The following GALNT13 variants were observed in gnomAD, a reference collection of about 807,000 sequenced individuals.
GALNT13 encodes the protein UDP-GalNAc:polypeptide N-acetylgalactosaminyltransferase 13.
In GALNT13, 28 loss-of-function variants were observed where a neutral mutation model predicts 64.2. The ratio of observed to expected loss-of-function variants is 0.44; its 90% CI spans 0.32 to 0.60. GALNT13 has a LOEUF of 0.60. Ranked by LOEUF, GALNT13 falls within the 20% of genes least tolerant of loss-of-function variation. The probability of loss-of-function intolerance (pLI) is 0.05; values close to 1 mark genes in which losing one functional copy is unlikely to be tolerated. For synonymous variants in GALNT13, 214 were observed against 224.6 expected, an observed-to-expected ratio of 0.95 and a Z score of 0.42; for missense variants, 577 against 669.8, an observed-to-expected ratio of 0.86 and a Z score of 1.53.
At chr2:153,364,354 T>C in the GALNT13 span, among the ~76,000 whole-genome samples, 1 of 151,344 alleles carries the variant, frequency 6.6e-6, no homozygotes, top group Non-Finnish European at 1.5e-5. Context: ...CTCTCACCAC[T>C]CCTGTTCAAC....
chr2:154,299,680 G>T (rs536045861), intron 8 of GALNT13, among the ~76,000 whole-genome samples: 146 of 151,142 alleles, frequency 9.7e-4, no homozygotes, highest in African/African-American at 3.1e-3. Flanking sequence ...AGCCAGGATG[G>T]TCTCGATCTC....
At chr2:154,286,611 C>A in intron 8 of GALNT13, 2 of 241,088 alleles carry the variant, frequency 8.3e-6, no homozygotes, top group South Asian at 6.2e-5. Flanking sequence ...ATGTTTGAGT[C>A]TATTAACAAG....
chr2:153,301,656 A>G, the GALNT13 span, among the ~76,000 whole-genome samples: 1 of 152,142 alleles, frequency 6.6e-6, no homozygotes, highest in Non-Finnish European at 1.5e-5. Context: ...CTTCCTGTGT[A>G]ACAGGAACTT....
At chr2:153,977,693 A>C (rs1185508233) in intron 3 of GALNT13, among the ~76,000 whole-genome samples, 1 of 152,182 alleles carries the variant, frequency 6.6e-6, no homozygotes, top group Non-Finnish European at 1.5e-5. Flanking sequence ...ATCTCAGAGC[A>C]TTTTAGAGAA....
intron 3 of GALNT13, among the ~76,000 whole-genome samples, chr2:154,009,784 T>G (rs991145577): frequency 6.6e-6 from 1 of 152,170 alleles, no homozygotes; most frequent in Admixed American, 6.5e-5. Context: ...TGATTCTCCC[T>G]ATCTATGAGC....
the GALNT13 span, among the ~76,000 whole-genome samples, chr2:153,805,897 G>T: frequency 6.6e-6 from 1 of 151,878 alleles, no homozygotes. Context: ...TACTAAATTT[G>T]AAATGGAAGT....
chr2:153,267,845 C>A, the GALNT13 span, among the ~76,000 whole-genome samples: 4 of 152,178 alleles, frequency 2.6e-5, no homozygotes, highest in African/African-American at 4.8e-5. Context: ...ATTTTCCAAG[C>A]TTTTAGACTT....
At chr2:153,229,644 T>A in the GALNT13 span, among the ~76,000 whole-genome samples, 1 of 152,240 alleles carries the variant, frequency 6.6e-6, no homozygotes, top group African/African-American at 2.4e-5. Context: ...TGCTATATAC[T>A]TTCCTTTCTG....
At chr2:153,419,130 T>C in the GALNT13 span, among the ~76,000 whole-genome samples, 2 of 152,168 alleles carry the variant, frequency 1.3e-5, no homozygotes, top group Non-Finnish European at 2.9e-5. Flanking sequence ...TCACAGTTCC[T>C]CAGGGCTGGG....
chr2:153,704,499 C>G, the GALNT13 span, among the ~76,000 whole-genome samples: 1 of 152,134 alleles, frequency 6.6e-6, no homozygotes, highest in African/African-American at 2.4e-5. Context: ...ATACTTCTCT[C>G]TCAATGCACA....
chr2:153,399,795 A>G, the GALNT13 span, among the ~76,000 whole-genome samples: 3 of 152,136 alleles, frequency 2.0e-5, no homozygotes, highest in South Asian at 6.2e-4. Context: ...ACTTTGCTGA[A>G]GTTGCTTATC....
chr2:153,418,376 G>GTTGCTTTAAA, the GALNT13 span, among the ~76,000 whole-genome samples: 1 of 152,178 alleles, frequency 6.6e-6, no homozygotes, highest in Admixed American at 6.5e-5. Context: ...ATAAATTTGT[G>GTTGCTTTAAA]TTGCTTTAAA....
intron 3 of GALNT13, among the ~76,000 whole-genome samples, chr2:153,969,407 T>C (rs72621667): frequency 0.088 from 13,425 of 152,060 alleles, 1,557 homozygotes; most frequent in East Asian, 0.62. Context: ...TCCTTTTAGG[T>C]TGCAATAACA....
intron 3 of GALNT13, among the ~76,000 whole-genome samples, chr2:154,008,753 G>T (rs951468388): frequency 1.3e-5 from 2 of 152,072 alleles, no homozygotes; most frequent in Admixed American, 1.3e-4. Flanking sequence ...TTGCTGCAAA[G>T]GACTTGATCT....
chr2:154,149,711 T>G (rs936418483), intron 4 of GALNT13, among the ~76,000 whole-genome samples: 1 of 152,214 alleles, frequency 6.6e-6, no homozygotes, highest in Admixed American at 6.5e-5. Context: ...AGTTCACTCA[T>G]GATTTGGCTC....
intron 4 of GALNT13, among the ~76,000 whole-genome samples, chr2:154,152,952 A>G (rs192919034): frequency 4.2e-3 from 633 of 152,324 alleles, no homozygotes; most frequent in African/African-American, 0.015. Flanking sequence ...TTCTCCGTCC[A>G]GCTTTGTTCC....
intron 9 of GALNT13, among the ~76,000 whole-genome samples, chr2:154,366,252 G>C (rs1035536166): frequency 6.6e-6 from 1 of 152,100 alleles, no homozygotes; most frequent in African/African-American, 2.4e-5. Flanking sequence ...CATTTAAAAG[G>C]TTCCTGTCTT....
chr2:153,513,084 C>T, the GALNT13 span, among the ~76,000 whole-genome samples: 6,057 of 152,086 alleles, frequency 0.04, 384 homozygotes, highest in African/African-American at 0.14. Flanking sequence ...TAACCCATAG[C>T]GTAAAATAAA....
At chr2:154,397,211 G>A (rs1255408857) in intron 10 of GALNT13, among the ~76,000 whole-genome samples, 4 of 151,894 alleles carry the variant, frequency 2.6e-5, no homozygotes, top group East Asian at 1.9e-4. Flanking sequence ...CAAGGCAGGC[G>A]GATCATGAGG....
Sources: allele counts gnomAD v4.1 joint callset (sites outside exome capture counted in the v4.1 genomes callset), GRCh38; gene constraint gnomAD v4.1.1; transcripts MANE v1.5; gene names NCBI Gene and HGNC (gene_info 2026-07-23, HGNC 2026-07-21).